The following MAGI2 variants were observed in gnomAD, a reference collection of about 807,000 sequenced individuals.
The protein encoded by MAGI2 is membrane associated guanylate kinase, WW and PDZ domain containing 2, also known as membrane-associated guanylate kinase, WW and PDZ domain-containing protein 2.
In MAGI2, 35 loss-of-function variants were observed where a neutral mutation model predicts 133.3. That is an observed-to-expected ratio of 0.26 (90% confidence interval 0.20 to 0.35). The LOEUF is 0.35. Among genes scored for constraint, MAGI2 ranks in the 10% least tolerant of loss-of-function variants. The pLI is 1.00. For missense variants in MAGI2, 1,636 were observed against 1,863.4 expected (o/e 0.88, Z 2.25); for synonymous variants, 729 against 710.6 (o/e 1.03, Z -0.41).
chr7:78,739,251 A>G (rs1822160861), intron 2 of MAGI2, among the ~76,000 whole-genome samples: 1 of 152,192 alleles, frequency 6.6e-6, no homozygotes, highest in Non-Finnish European at 1.5e-5. Context: ...CCCCAAATCC[A>G]TGGCAAAAAA....
rs1381460722 is a variant in MAGI2, at chr7:79,440,057, C to T, written c.301+12963G>A. Among the ~76,000 whole-genome samples, 4 of 152,184 alleles carry T rather than the reference C, an allele frequency of 2.6e-5. No individual in the cohort carries two copies. In the South Asian group the frequency reaches 8.3e-4, roughly 32 times the overall value. ...CATCTTTCTAACCATTTCTACTCTG[C>T]TTGGCAGTACTGACCACTCACTCAA... On this transcript the variant is annotated intron_variant, in intron 1 of 21. Coordinates refer to ENST00000354212, the MANE Select transcript of MAGI2 (RefSeq NM_012301.4).
intron 1 of MAGI2, among the ~76,000 whole-genome samples, chr7:79,358,719 T>C (rs1418753608): frequency 6.6e-6 from 1 of 152,082 alleles, no homozygotes; most frequent in Non-Finnish European, 1.5e-5. Flanking sequence ...CTTGGAAGCC[T>C]AGCTTGGGGA....
chr7:79,450,588 A>G, intron 1 of MAGI2, among the ~76,000 whole-genome samples: 1 of 152,150 alleles, frequency 6.6e-6, no homozygotes, highest in Admixed American at 6.5e-5. Flanking sequence ...CACGAAACTG[A>G]GGGTTAATAT....
chr7:78,583,544 A>G (rs1178583071), intron 3 of MAGI2: 3 of 152,042 alleles, frequency 2.0e-5, no homozygotes, highest in African/African-American at 7.2e-5. Flanking sequence ...TTATGAAAAT[A>G]TATGTTTTAG....
intron 2 of MAGI2, among the ~76,000 whole-genome samples, chr7:78,703,765 G>T (rs1396080619): frequency 6.6e-6 from 1 of 151,648 alleles, no homozygotes; most frequent in Non-Finnish European, 1.5e-5. Flanking sequence ...TGGGTTTATT[G>T]ATTTGGTCTT....
chr7:78,668,028 T>C (rs1813846592), intron 2 of MAGI2, among the ~76,000 whole-genome samples: 1 of 152,142 alleles, frequency 6.6e-6, no homozygotes, highest in East Asian at 1.9e-4. Flanking sequence ...GTGCTCCTAT[T>C]TCTCCCCACA....
chr7:78,904,490 A>T (rs1797848909), intron 2 of MAGI2, among the ~76,000 whole-genome samples: 1 of 151,692 alleles, frequency 6.6e-6, no homozygotes, highest in Non-Finnish European at 1.5e-5. Context: ...TGTGGTTAAC[A>T]CTGCATGCAT....
chr7:78,125,931 T>A (rs943842639), intron 19 of MAGI2, 94 bp from the exon 20 acceptor site: 69 of 1,235,306 alleles, frequency 5.6e-5, no homozygotes, highest in Admixed American at 2.1e-4. Flanking sequence ...GTCTCTTAGT[T>A]AATGTATTCC....
intron 1 of MAGI2, among the ~76,000 whole-genome samples, chr7:79,356,519 T>A (rs1254464939): frequency 6.6e-6 from 1 of 152,160 alleles, no homozygotes; most frequent in Non-Finnish European, 1.5e-5. Context: ...CATTAATTTT[T>A]AGAAAAAACA....
At chr7:79,412,080 A>G (rs1846185668) in intron 1 of MAGI2, 1 of 151,568 alleles carries the variant, frequency 6.6e-6, no homozygotes, top group Non-Finnish European at 1.5e-5. Flanking sequence ...AAGTTGTTTT[A>G]TTTCCTAAAC....
chr7:79,291,663 T>G (rs910524709), intron 1 of MAGI2, among the ~76,000 whole-genome samples: 5 of 152,214 alleles, frequency 3.3e-5, no homozygotes, highest in African/African-American at 1.2e-4. Flanking sequence ...CTATAATGAC[T>G]AATGATATTG....
At chr7:78,285,268 A>G (rs1796028516) in intron 9 of MAGI2, among the ~76,000 whole-genome samples, 1 of 152,112 alleles carries the variant, frequency 6.6e-6, no homozygotes, top group Admixed American at 6.6e-5. Flanking sequence ...CATTTTTAGA[A>G]CTCCTTTGTA....
At chr7:79,419,711 A>G (rs1209941650) in intron 1 of MAGI2, among the ~76,000 whole-genome samples, 1 of 152,062 alleles carries the variant, frequency 6.6e-6, no homozygotes, top group African/African-American at 2.4e-5. Flanking sequence ...TATTCCCATT[A>G]AGCATGGTAT....
In MAGI2 at chr7:78,842,112, G is replaced by A. The variant is rs73137292; in HGVS notation, c.418+164978C>T. Among the ~76,000 whole-genome samples the A allele has an allele frequency of 7.3e-3, 1,108 of 152,068 alleles. 5 individuals carry two copies. The highest frequency in any genetic ancestry group is 0.012 in the Non-Finnish European group (843 of 67,928). On this transcript the variant is annotated intron_variant, in intron 2 of 21. Transcript: ENST00000354212. ...CATTGTTCTTCTGGGTAGCAGGTAA[G>A]CAGAACAAAGTGCCTGCATCCCGTG...
intron 9 of MAGI2, among the ~76,000 whole-genome samples, chr7:78,286,207 T>TC (rs1369063528): frequency 1.3e-5 from 2 of 152,138 alleles, no homozygotes; most frequent in East Asian, 1.9e-4. Context: ...TCTCTCTTTT[T>TC]CCCTCCCTCT....
chr7:78,083,345 G>A (rs967726452), intron 20 of MAGI2, among the ~76,000 whole-genome samples: 1 of 81,482 alleles, frequency 1.2e-5, no homozygotes, highest in Non-Finnish European at 2.5e-5. Context: ...AGAGGGAGAG[G>A]GAGAAGGAGA....
At chr7:78,851,574 T>C (rs1044017989) in intron 2 of MAGI2, among the ~76,000 whole-genome samples, 2 of 152,158 alleles carry the variant, frequency 1.3e-5, no homozygotes, top group African/African-American at 2.4e-5. Flanking sequence ...GGTTTGTTTC[T>C]ATATGCCCTT....
chr7:79,090,771 G>C lies in MAGI2; in HGVS notation c.302-83565C>G, dbSNP rs1034171018. ...AAAACTTTCTTCTTTATTTGAGAAA[G>C]AATTTAAACCTACATAGTGAGTTAT... On this transcript the variant is annotated intron_variant, in intron 1 of 21. Transcript: ENST00000354212. Among the ~76,000 whole-genome samples, 5 of 152,244 alleles carry C rather than the reference G, an allele frequency of 3.3e-5. No homozygotes were observed. The East Asian group carries it at 9.7e-4, about 29-fold the overall frequency.
chr7:78,097,004 A>G (rs1817753128), intron 20 of MAGI2, among the ~76,000 whole-genome samples: 1 of 152,210 alleles, frequency 6.6e-6, no homozygotes, highest in African/African-American at 2.4e-5. Flanking sequence ...TGGGCAAAGG[A>G]CAAGAACAGA....
Sources: gnomAD v4.1 joint callset for allele counts (sites outside exome capture counted in the v4.1 genomes callset) on GRCh38, gnomAD v4.1.1 for gene constraint, MANE v1.5 for transcripts, NCBI Gene and HGNC (gene_info 2026-07-23, HGNC 2026-07-21) for gene names.